The following HHAT variants were observed in gnomAD, a reference collection of about 807,000 sequenced individuals.
The protein encoded by HHAT is hedgehog acyltransferase, also known as protein-cysteine N-palmitoyltransferase HHAT.
HHAT carries 47 observed loss-of-function variants against 70.8 expected under a neutral mutation model. That is an observed-to-expected ratio of 0.66 (90% CI 0.53 to 0.85). The LOEUF (loss-of-function observed/expected upper bound fraction) is 0.85, where lower values mean the gene tolerates loss of function less well. Among genes scored for constraint, HHAT ranks in the 40% least tolerant of loss-of-function variants. The pLI, the probability that HHAT is intolerant of heterozygous loss-of-function variation, is 0.00. For synonymous variants in HHAT, 228 were observed against 247.6 expected (o/e 0.92, Z 0.74); for missense variants, 609 against 604.8 (o/e 1.01, Z -0.07).
At chr1:210,563,786 G>A (rs1448469407) in intron 9 of HHAT, among the ~76,000 whole-genome samples, 2 of 152,160 alleles carry the variant, frequency 1.3e-5, no homozygotes, top group Admixed American at 6.5e-5. Context: ...CTCCTCCAGG[G>A]TGTACCCCTC....
intron 4 of HHAT, among the ~76,000 whole-genome samples, chr1:210,389,883 G>T (rs917035260): frequency 1.3e-5 from 2 of 152,158 alleles, no homozygotes; most frequent in African/African-American, 2.4e-5. Context: ...CCACATTGGG[G>T]ATTAAATTTC....
Position 210,387,487 on chromosome 1 carries a change from G to A in HHAT, c.179G>A (p.Trp60Ter), listed in dbSNP as rs762065926. 3 of 1,614,094 alleles carry A rather than the reference G, an allele frequency of 1.9e-6. No individual in the cohort carries two copies. The highest frequency in any genetic ancestry group is 1.7e-5 in the Admixed American group (1 of 60,024). Residue 60 changes from tryptophan to a stop codon, truncating the protein, a stop_gained, in exon 4 of 12, where the codon TGG (tryptophan) becomes TAG (stop). Transcript: ENST00000261458. LOFTEE classifies it high-confidence loss of function. The part of the protein sequence containing the change: ...GLKKDATDFE[W>*]SFWMEWGKQW... ...ATTTAGGATGCGACCGACTTTGAGT[G>A]GAGCTTCTGGATGGAATGGGGGAAG...
intron 1 of HHAT, 134 bp from the exon 2 acceptor site, chr1:210,348,799 A>G (rs2086756992): frequency 1.3e-6 from 1 of 749,286 alleles, no homozygotes; most frequent in African/African-American, 1.8e-5. Flanking sequence ...GGGAGGAGGA[A>G]GCTTGATTGG....
intron 3 of HHAT, among the ~76,000 whole-genome samples, chr1:210,382,739 T>G (rs759610563): frequency 1.4e-4 from 21 of 152,224 alleles, no homozygotes; most frequent in Admixed American, 2.6e-4. Flanking sequence ...GTGAGTATTT[T>G]GTGCATGTCA....
At chr1:210,507,747 T>C (rs2094885559) in intron 8 of HHAT, among the ~76,000 whole-genome samples, 1 of 152,166 alleles carries the variant, frequency 6.6e-6, no homozygotes, top group South Asian at 2.1e-4. Flanking sequence ...CTGAACTCTT[T>C]GGAAGGAACA....
At chr1:210,470,610 A>G (rs1416670098) in intron 8 of HHAT, among the ~76,000 whole-genome samples, 2 of 152,204 alleles carry the variant, frequency 1.3e-5, no homozygotes, top group African/African-American at 2.4e-5. Context: ...CTTCACAGAT[A>G]GTGTGTCCTC....
intron 11 of HHAT, 68 bp downstream of exon 11, chr1:210,623,738 A>C: frequency 6.8e-7 from 1 of 1,469,572 alleles, no homozygotes; most frequent in Non-Finnish European, 9.4e-7. Context: ...GGGATCATAC[A>C]TGGGATGGAT....
intron 1 of HHAT, among the ~76,000 whole-genome samples, chr1:210,348,729 A>ATGTGTGTGTGTGTG (rs1224033253): frequency 4.2e-5 from 3 of 72,264 alleles, no homozygotes; most frequent in African/African-American, 7.9e-5. Context: ...TGTGTGGTGT[A>ATGTGTGTGTGTGTG]TGTGTGCGTG....
At chr1:210,613,912 TAGG>T (rs1667111733) in intron 10 of HHAT, among the ~76,000 whole-genome samples, 1 of 151,526 alleles carries the variant, frequency 6.6e-6, no homozygotes, top group African/African-American at 2.4e-5. Context: ...CCCAGCTTCT[TAGG>T]AGGCTGAGGT....
At chr1:210,604,228 TGCCACCAA>T (rs1158872440) in intron 10 of HHAT, among the ~76,000 whole-genome samples, 3 of 147,770 alleles carry the variant, frequency 2.0e-5, no homozygotes, top group African/African-American at 7.4e-5. Context: ...TACAGGTGCA[TGCCACCAA>T]GCCCAGCTAT....
At chr1:210,503,402 C>T (rs2094795613) in intron 8 of HHAT, among the ~76,000 whole-genome samples, 1 of 152,178 alleles carries the variant, frequency 6.6e-6, no homozygotes, top group African/African-American at 2.4e-5. Context: ...AACCAACAAG[C>T]AAACAAGCAA....
intron 3 of HHAT, among the ~76,000 whole-genome samples, chr1:210,363,385 C>T (rs1418862327): frequency 6.6e-6 from 1 of 152,186 alleles, no homozygotes; most frequent in Non-Finnish European, 1.5e-5. Flanking sequence ...GCTCGCTTGT[C>T]TTCAGCAGCA....
chr1:210,513,246 T>G, intron 9 of HHAT, 58 bp downstream of exon 9: 1 of 886,182 alleles, frequency 1.1e-6, no homozygotes, highest in Non-Finnish European at 1.8e-6. Flanking sequence ...TATGAAAGAT[T>G]GAAATGGAAA....
At chr1:210,557,450 C>A (rs2095582899) in intron 9 of HHAT, among the ~76,000 whole-genome samples, 1 of 152,154 alleles carries the variant, frequency 6.6e-6, no homozygotes, top group Non-Finnish European at 1.5e-5. Flanking sequence ...ACACGAATGT[C>A]TCCTGTTTGG....
rs549572273 is a variant in HHAT at position 210,432,902 on chromosome 1, G to A, written c.856+14577G>A. Among the ~76,000 whole-genome samples the A allele has an allele frequency of 2.6e-5, 4 of 151,852 alleles. No homozygotes were observed. The South Asian group carries it at 8.3e-4, about 32-fold the overall frequency. On this transcript the variant is annotated intron_variant, in intron 7 of 11. Coordinates refer to ENST00000261458, the MANE Select transcript of HHAT (RefSeq NM_018194.6). ...GGCATGTGAGCTTTGGGCCCTGGTG[G>A]CAGCCTCTGATTTCCTTCTGAACTA...
intron 6 of HHAT, among the ~76,000 whole-genome samples, chr1:210,417,294 G>GT (rs1349920688): frequency 2.0e-5 from 3 of 152,164 alleles, no homozygotes; most frequent in Non-Finnish European, 4.4e-5. Flanking sequence ...GTACAGTGGT[G>GT]TGATCTTGGC....
intron 10 of HHAT, among the ~76,000 whole-genome samples, chr1:210,616,774 T>G (rs1667837788): frequency 1.3e-5 from 2 of 152,224 alleles, no homozygotes; most frequent in South Asian, 4.1e-4. Flanking sequence ...GGTATATAAT[T>G]CAGGTAAGTT....
At chr1:210,469,438 G>A (rs1054362923) in intron 8 of HHAT, among the ~76,000 whole-genome samples, 8 of 152,134 alleles carry the variant, frequency 5.3e-5, no homozygotes, top group Non-Finnish European at 7.4e-5. Flanking sequence ...CATCCACCCC[G>A]ACAAATCTCC....
chr1:210,631,138 A>T (rs944357735), intron 11 of HHAT: 19 of 456,054 alleles, frequency 4.2e-5, no homozygotes, highest in Admixed American at 3.8e-4. Context: ...TGTATAGAAA[A>T]CACCTCCGAA....
Sources: allele counts gnomAD v4.1 joint callset (sites outside exome capture counted in the v4.1 genomes callset), GRCh38; gene constraint gnomAD v4.1.1; transcripts MANE v1.5; gene names NCBI Gene and HGNC (gene_info 2026-07-23, HGNC 2026-07-21).